The following WDR7 variants were observed in gnomAD, a reference collection of about 807,000 sequenced individuals.
WDR7 encodes the protein WD repeat domain 7, also known as WD repeat-containing protein 7.
In WDR7, 46 loss-of-function variants were observed where a neutral mutation model predicts 169.4. That is an observed-to-expected ratio of 0.27 (90% confidence interval 0.21 to 0.35). WDR7 has a LOEUF of 0.35. Among genes scored for constraint, WDR7 ranks in the 10% least tolerant of loss-of-function variants. The pLI, the probability that WDR7 is intolerant of heterozygous loss-of-function variation, is 1.00. For missense variants in WDR7, 1,534 were observed against 1,859.3 expected, an observed-to-expected ratio of 0.83 and a Z score of 3.22; for synonymous variants, 612 against 666.8, an observed-to-expected ratio of 0.92 and a Z score of 1.27.
At chr18:56,820,634 C>T (rs554943485) in intron 20 of WDR7, among the ~76,000 whole-genome samples, 4 of 152,150 alleles carry the variant, frequency 2.6e-5, no homozygotes, top group African/African-American at 9.6e-5. Flanking sequence ...CCCTCCTCCC[C>T]CTGCCCTCAG....
intron 1 of WDR7, among the ~76,000 whole-genome samples, chr18:56,668,978 G>A (rs1238155952): frequency 2.0e-5 from 3 of 151,558 alleles, no homozygotes; most frequent in Non-Finnish European, 2.9e-5. Flanking sequence ...ATATATGGTC[G>A]CTTGATCTTA....
chr18:56,878,860 G>C (rs2046065484), intron 20 of WDR7, among the ~76,000 whole-genome samples: 1 of 152,118 alleles, frequency 6.6e-6, no homozygotes, highest in African/African-American at 2.4e-5. Flanking sequence ...AATGTTTTCA[G>C]CGTCATTTTT....
downstream of WDR7, chr18:57,031,624 A>T (rs2048442132): frequency 6.6e-6 from 1 of 152,224 alleles, no homozygotes; most frequent in Non-Finnish European, 1.5e-5. Context: ...CTGCTTACTC[A>T]TTAATAAATC....
At position 56,776,845 on chromosome 18, in the gene WDR7, C is replaced by T. The variant is rs1170127583; in HGVS notation, c.2912C>T (p.Ala971Val). ...CACTCTGGCTCTGACCCTCCTTCTG[C>T]TCCTGCTTTACATACCTGTTTCTTA... ...ADHSGSDPPS[A>V]PALHTCFLVN... is the part of the protein sequence containing the mutation. The change falls in exon 17 of 28, where the codon GCT (alanine) becomes GTT (valine). Residue 971 changes from alanine (A) to valine (V), a missense_variant. Coordinates refer to ENST00000254442, the MANE Select transcript of WDR7 (RefSeq NM_015285.3). 3 of 1,614,028 alleles carry T rather than the reference C, an allele frequency of 1.9e-6. No homozygotes were observed. Among genetic ancestry groups the T allele is most frequent in the East Asian group, 2.2e-5 (1 of 44,876 alleles).
chr18:57,023,022 G>A (rs1158135723), intron 27 of WDR7, among the ~76,000 whole-genome samples: 2 of 152,216 alleles, frequency 1.3e-5, no homozygotes, highest in Admixed American at 6.5e-5. Context: ...GGTCATTCTT[G>A]CCTCTAAAAC....
intron 16 of WDR7, among the ~76,000 whole-genome samples, chr18:56,764,005 C>G (rs939877618): frequency 6.6e-6 from 1 of 151,338 alleles, no homozygotes; most frequent in East Asian, 1.9e-4. Flanking sequence ...AAAGAACTAG[C>G]CTTCTATTCA....
intron 20 of WDR7, among the ~76,000 whole-genome samples, chr18:56,876,587 G>A (rs1473288590): frequency 6.6e-6 from 1 of 152,094 alleles, no homozygotes; most frequent in Non-Finnish European, 1.5e-5. Context: ...TTAAAGCCAG[G>A]AGCTAGGCTA....
chr18:56,897,783 C>T (rs1173179889), intron 21 of WDR7, among the ~76,000 whole-genome samples: 2 of 151,856 alleles, frequency 1.3e-5, no homozygotes, highest in African/African-American at 4.8e-5. Flanking sequence ...AAATGTTTCT[C>T]TCAGTTACAA....
chr18:56,741,318 C>G (rs906328867), intron 14 of WDR7, among the ~76,000 whole-genome samples: 1 of 152,160 alleles, frequency 6.6e-6, no homozygotes, highest in African/African-American at 2.4e-5. Flanking sequence ...GTTATCGAAT[C>G]ATCTTCTCTT....
chr18:56,856,937 A>T (rs997100157), intron 20 of WDR7, among the ~76,000 whole-genome samples: 3 of 152,136 alleles, frequency 2.0e-5, no homozygotes, highest in Non-Finnish European at 4.4e-5. Flanking sequence ...ATATTATGTA[A>T]TTGTTTTCCC....
At chr18:56,727,547 G>A (rs959205209) in intron 13 of WDR7, among the ~76,000 whole-genome samples, 1 of 152,094 alleles carries the variant, frequency 6.6e-6, no homozygotes, top group Non-Finnish European at 1.5e-5. Context: ...TGAGCGAAGG[G>A]GAAAGCCCCT....
intron 22 of WDR7, among the ~76,000 whole-genome samples, chr18:56,925,810 C>T (rs1208929563): frequency 6.6e-6 from 1 of 152,284 alleles, no homozygotes; most frequent in African/African-American, 2.4e-5. Flanking sequence ...GCCTGCCCCC[C>T]AGTTACCTCC....
chr18:56,786,732 A>G (rs2044406778), intron 19 of WDR7, among the ~76,000 whole-genome samples: 1 of 151,956 alleles, frequency 6.6e-6, no homozygotes. Flanking sequence ...TGATTCCTAT[A>G]CTAATGGTAA....
At chr18:56,868,026 A>C (rs902366884) in intron 20 of WDR7, among the ~76,000 whole-genome samples, 5 of 152,130 alleles carry the variant, frequency 3.3e-5, no homozygotes, top group Non-Finnish European at 7.4e-5. Flanking sequence ...AAATTTGCCA[A>C]ATAACAACTA....
intron 2 of WDR7, 35 bp downstream of exon 2, chr18:56,672,709 T>C: frequency 6.5e-7 from 1 of 1,530,490 alleles, no homozygotes; most frequent in South Asian, 1.3e-5. Flanking sequence ...ACATTTTAGA[T>C]ATAAAAATCT....
chr18:56,730,783 AAAAT>A (rs953655621), intron 13 of WDR7, among the ~76,000 whole-genome samples: 77 of 152,218 alleles, frequency 5.1e-4, no homozygotes, highest in East Asian at 5.0e-3. Context: ...TAAAAAATAA[AAAAT>A]AAATAAATAA....
At chr18:56,876,988 C>A (rs1467630123) in intron 20 of WDR7, among the ~76,000 whole-genome samples, 1 of 151,866 alleles carries the variant, frequency 6.6e-6, no homozygotes, top group Non-Finnish European at 1.5e-5. Context: ...TACAAGACCA[C>A]CTTGGGAAAC....
chr18:56,674,014 G>A (rs1262071377), intron 2 of WDR7, among the ~76,000 whole-genome samples: 1 of 152,128 alleles, frequency 6.6e-6, no homozygotes, highest in Non-Finnish European at 1.5e-5. Flanking sequence ...ATTGTAGCAT[G>A]TATCAGTACT....
At chr18:56,948,788 T>C (rs1380190834) in intron 25 of WDR7, among the ~76,000 whole-genome samples, 1 of 152,194 alleles carries the variant, frequency 6.6e-6, no homozygotes, top group African/African-American at 2.4e-5. Flanking sequence ...CTCTGTGCTC[T>C]TCAGAGTGGG....
Sources: gnomAD v4.1 joint callset for allele counts (sites outside exome capture counted in the v4.1 genomes callset) on GRCh38, gnomAD v4.1.1 for gene constraint, MANE v1.5 for transcripts, NCBI Gene and HGNC (gene_info 2026-07-23, HGNC 2026-07-21) for gene names.